SPATS2L: variants seen among roughly 807,000 people sequenced by gnomAD.
SPATS2L encodes the protein spermatogenesis associated serine rich 2 like.
Under a neutral mutation model 59.6 loss-of-function variants are expected in SPATS2L, and 30 were observed. That is an observed-to-expected ratio of 0.50 (90% CI 0.38 to 0.68). The LOEUF (loss-of-function observed/expected upper bound fraction) is 0.68, where lower values mean the gene tolerates loss of function less well. Ranked by LOEUF, SPATS2L falls within the 30% of genes least tolerant of loss-of-function variation. SPATS2L has a pLI of 0.00. For synonymous variants in SPATS2L, 252 were observed against 263.5 expected, an observed-to-expected ratio of 0.96 and a Z score of 0.42; for missense variants, 615 against 700.0, an observed-to-expected ratio of 0.88 and a Z score of 1.37.
chr2:200,370,433 C>G (rs2081392001), intron 2 of SPATS2L, among the ~76,000 whole-genome samples: 1 of 152,074 alleles, frequency 6.6e-6, no homozygotes, highest in Non-Finnish European at 1.5e-5. Context: ...AGAATAGTTT[C>G]AATGGATTCA....
At chr2:200,376,293 A>T (rs1418100268) in intron 2 of SPATS2L, among the ~76,000 whole-genome samples, 2 of 152,232 alleles carry the variant, frequency 1.3e-5, no homozygotes, top group East Asian at 3.8e-4. Context: ...TTTGTATTAC[A>T]GCTGGAAATG....
intron 6 of SPATS2L, among the ~76,000 whole-genome samples, chr2:200,434,895 C>T (rs547964797): frequency 6.6e-6 from 1 of 152,128 alleles, no homozygotes; most frequent in African/African-American, 2.4e-5. Flanking sequence ...TCAAAACAAT[C>T]TTGAAAAAGA....
intron 2 of SPATS2L, among the ~76,000 whole-genome samples, chr2:200,342,269 G>A (rs1180730601): frequency 2.0e-5 from 3 of 152,200 alleles, no homozygotes; most frequent in African/African-American, 7.2e-5. Context: ...TAGAAAGCAA[G>A]TCCAGAGATA....
At chr2:200,371,871 A>C (rs532369548) in intron 2 of SPATS2L, among the ~76,000 whole-genome samples, 1 of 152,164 alleles carries the variant, frequency 6.6e-6, no homozygotes, top group Non-Finnish European at 1.5e-5. Flanking sequence ...AATCTGTTAG[A>C]AGATATTTGT....
chr2:200,406,900 C>T (rs1222620495), intron 3 of SPATS2L, among the ~76,000 whole-genome samples: 3 of 152,050 alleles, frequency 2.0e-5, no homozygotes, highest in Admixed American at 6.5e-5. Context: ...CTCATTGTAC[C>T]AGTTACACCA....
At chr2:200,358,976 A>G (rs1424477848) in intron 2 of SPATS2L, among the ~76,000 whole-genome samples, 6 of 116,132 alleles carry the variant, frequency 5.2e-5, no homozygotes, top group Non-Finnish European at 8.9e-5. Context: ...AACATGACAG[A>G]GTGAGACCCT....
chr2:200,408,225 CA>C, intron 3 of SPATS2L, among the ~76,000 whole-genome samples: 1 of 152,160 alleles, frequency 6.6e-6, no homozygotes, highest in African/African-American at 2.4e-5. Flanking sequence ...GGTGGGGGTT[CA>C]AAACTGGGCA....
chr2:200,388,932 T>G (rs2082083871), intron 2 of SPATS2L, among the ~76,000 whole-genome samples: 1 of 152,210 alleles, frequency 6.6e-6, no homozygotes, highest in Admixed American at 6.5e-5. Flanking sequence ...TTTGACCACC[T>G]TTCTTTTACA....
At position 200,456,591 on chromosome 2, in the gene SPATS2L, G is replaced by C. The variant is rs559001225; in HGVS notation, c.789-3178G>C. On this transcript the variant is annotated intron_variant, in intron 8 of 12. Coordinates refer to ENST00000409140, the MANE Select transcript of SPATS2L (RefSeq NM_001100423.2). ...GGCACAAAATTATGTTAACAAATTT[G>C]ATCAACAAAAGTGTTACGATGGTCT... Among the ~76,000 whole-genome samples the C allele has an allele frequency of 7.2e-5, 11 of 152,266 alleles. No individual in the cohort carries two copies. In the South Asian group the frequency reaches 2.3e-3, roughly 32 times the overall value.
intron 1 of SPATS2L, among the ~76,000 whole-genome samples, chr2:200,326,827 C>G (rs1291013230): frequency 6.6e-6 from 1 of 151,752 alleles, no homozygotes; most frequent in African/African-American, 2.4e-5. Context: ...CTCTGCCTTC[C>G]CAGTTCAAGC....
At chr2:200,373,854 A>G (rs1291709714) in intron 2 of SPATS2L, among the ~76,000 whole-genome samples, 3 of 152,204 alleles carry the variant, frequency 2.0e-5, no homozygotes, top group Admixed American at 1.3e-4. Context: ...TCAATTCAGT[A>G]TTTCAAGAAT....
At chr2:200,466,631 C>T (rs1331978215) in intron 9 of SPATS2L, among the ~76,000 whole-genome samples, 1 of 152,186 alleles carries the variant, frequency 6.6e-6, no homozygotes, top group Non-Finnish European at 1.5e-5. Flanking sequence ...TTCTAGCTGG[C>T]CTCACTCACT....
At position 200,419,453 on chromosome 2, in the gene SPATS2L, C is replaced by A; in HGVS notation, c.402C>A (p.Ile134=). The A allele has an allele frequency of 6.2e-7, 1 of 1,613,908 alleles. No individual in the cohort carries two copies. Among genetic ancestry groups the A allele is most frequent in the Non-Finnish European group, 8.5e-7 (1 of 1,179,854 alleles). Residue 134 remains isoleucine, a synonymous_variant, in exon 6 of 13, where the codon ATC becomes ATA. Transcript: ENST00000409140. ...KPALIPREKK[I]SILEEPSKAL... ...CCCTTATCCCTCGTGAGAAAAAGAT[C>A]TCGATACTTGAGGAACCTTCAAAGG...
intron 11 of SPATS2L, among the ~76,000 whole-genome samples, chr2:200,472,074 G>GC (rs1380828930): frequency 6.6e-6 from 1 of 152,088 alleles, no homozygotes; most frequent in East Asian, 1.9e-4. Flanking sequence ...TAAACGCTGA[G>GC]CAGACCTGCC....
rs570627056 is a variant in SPATS2L, at chr2:200,459,932, T to C, written c.847+105T>C. 97 of 861,126 alleles carry C rather than the reference T, an allele frequency of 1.1e-4. 1 individual carries two copies. In the South Asian group the frequency reaches 1.6e-3, roughly 14 times the overall value. 53.3% of individuals were successfully genotyped at this position (861,126 alleles called of 1,614,324 possible). ...GGCTTCTGAACAGGGTCCTAAAATT[T>C]ATATTGAAATTTTGGCTCATGAACT... On this transcript the variant is annotated intron_variant, in intron 9 of 12. Transcript: ENST00000409140.
At chr2:200,337,716 T>A (rs11888661) in intron 2 of SPATS2L, among the ~76,000 whole-genome samples, 82 of 152,330 alleles carry the variant, frequency 5.4e-4, no homozygotes, top group African/African-American at 1.7e-3. Flanking sequence ...GAGATGTGGC[T>A]TTGTCCTCTA....
chr2:200,410,475 C>T (rs1017693616), intron 3 of SPATS2L, among the ~76,000 whole-genome samples: 40 of 152,262 alleles, frequency 2.6e-4, no homozygotes, highest in Admixed American at 9.2e-4. Context: ...AAATCCTTTG[C>T]ACAGCCTTGT....
intron 2 of SPATS2L, among the ~76,000 whole-genome samples, chr2:200,385,850 A>G (rs1032627396): frequency 1.1e-4 from 17 of 151,804 alleles, no homozygotes; most frequent in Admixed American, 2.6e-4. Flanking sequence ...CCGCCACCAC[A>G]CCCAGCTAAT....
intron 3 of SPATS2L, among the ~76,000 whole-genome samples, chr2:200,398,006 C>T (rs959584608): frequency 6.6e-6 from 1 of 152,116 alleles, no homozygotes; most frequent in Admixed American, 6.5e-5. Context: ...AAAGGAAAAT[C>T]GAGCAGAGAA....
Sources: allele counts gnomAD v4.1 joint callset (sites outside exome capture counted in the v4.1 genomes callset), GRCh38; gene constraint gnomAD v4.1.1; transcripts MANE v1.5; gene names NCBI Gene and HGNC (gene_info 2026-07-23, HGNC 2026-07-21).